MSRA: variants seen among roughly 807,000 people sequenced by gnomAD.
MSRA encodes the protein methionine sulfoxide reductase A.
In MSRA, 54 loss-of-function variants were observed where a neutral mutation model predicts 31.3. The ratio of observed to expected loss-of-function variants is 1.73; its 90% CI spans 1.39 to 2.17. MSRA has a LOEUF of 2.17. MSRA is among the 30% of genes most tolerant of loss of function. The probability of loss-of-function intolerance (pLI) is 0.00; values close to 1 mark genes in which losing one functional copy is unlikely to be tolerated. For synonymous variants in MSRA, 169 were observed against 116.5 expected (o/e 1.45, Z -2.90); for missense variants, 507 against 300.9 (o/e 1.69, Z -5.07).
At chr8:10,252,947 G>A (rs2975701) in intron 3 of MSRA, among the ~76,000 whole-genome samples, 13,585 of 152,200 alleles carry the variant, frequency 0.089, 719 homozygotes, top group East Asian at 0.2. Context: ...TCATACTCAC[G>A]TAGGTATGAA....
intron 2 of MSRA, among the ~76,000 whole-genome samples, chr8:10,231,000 G>C (rs985829758): frequency 1.3e-5 from 2 of 152,206 alleles, no homozygotes; most frequent in African/African-American, 4.8e-5. Context: ...GGCCAGGCGA[G>C]TCTCGAACTC....
intron 1 of MSRA, among the ~76,000 whole-genome samples, chr8:10,175,351 G>C (rs556407455): frequency 3.9e-5 from 6 of 152,092 alleles, no homozygotes; most frequent in Non-Finnish European, 7.4e-5. Flanking sequence ...TCTTATCTCC[G>C]CAATTGGAAC....
At chr8:10,244,686 A>G (rs1275206217) in intron 2 of MSRA, among the ~76,000 whole-genome samples, 8 of 152,218 alleles carry the variant, frequency 5.3e-5, no homozygotes, top group Admixed American at 5.2e-4. Context: ...TAAAATGGGT[A>G]ACTTAGTGCT....
chr8:10,064,322 C>T (rs1471290279), intron 1 of MSRA, among the ~76,000 whole-genome samples: 1 of 151,996 alleles, frequency 6.6e-6, no homozygotes, highest in Middle Eastern at 3.2e-3. Flanking sequence ...TCTGTAAGCT[C>T]GGGCTCTTAT....
intron 1 of MSRA, among the ~76,000 whole-genome samples, chr8:10,175,040 C>G (rs1805924911): frequency 6.6e-6 from 1 of 152,162 alleles, no homozygotes; most frequent in Non-Finnish European, 1.5e-5. Flanking sequence ...CCCTTGTGAT[C>G]TACCCGAACA....
intron 5 of MSRA, among the ~76,000 whole-genome samples, chr8:10,362,695 G>T (rs1033070615): frequency 1.3e-5 from 2 of 152,036 alleles, no homozygotes; most frequent in African/African-American, 4.8e-5. Flanking sequence ...CTCAGATGAG[G>T]ACCCTTTTGC....
At chr8:10,299,852 G>C (rs1431334526) in intron 3 of MSRA, among the ~76,000 whole-genome samples, 1 of 152,164 alleles carries the variant, frequency 6.6e-6, no homozygotes, top group African/African-American at 2.4e-5. Flanking sequence ...AAAATGTTTA[G>C]AAACATTGAT....
intron 3 of MSRA, among the ~76,000 whole-genome samples, chr8:10,297,695 A>G (rs1391952999): frequency 6.6e-6 from 1 of 152,232 alleles, no homozygotes; most frequent in Admixed American, 6.5e-5. Context: ...CAAGGGCATC[A>G]CTGTGCTGTT....
intron 1 of MSRA, among the ~76,000 whole-genome samples, chr8:10,137,823 C>G (rs1481099919): frequency 6.6e-6 from 1 of 152,072 alleles, no homozygotes; most frequent in Admixed American, 6.6e-5. Flanking sequence ...AATTATATAG[C>G]TATAGGGATC....
intron 1 of MSRA, among the ~76,000 whole-genome samples, chr8:10,130,461 G>C (rs867197267): frequency 1.3e-5 from 2 of 152,168 alleles, no homozygotes; most frequent in Non-Finnish European, 2.9e-5. Context: ...TGTGATCATT[G>C]TTCTCTTTCT....
At chr8:10,401,973 G>A (rs1019452926) in intron 5 of MSRA, among the ~76,000 whole-genome samples, 2 of 152,152 alleles carry the variant, frequency 1.3e-5, no homozygotes, top group African/African-American at 2.4e-5. Context: ...AATGGATAGT[G>A]GTGATGGTTG....
intron 2 of MSRA, among the ~76,000 whole-genome samples, chr8:10,217,947 T>G (rs1810144587): frequency 6.6e-6 from 1 of 152,050 alleles, no homozygotes; most frequent in Admixed American, 6.5e-5. Context: ...TGCTATTTAT[T>G]TAAGAAATTA....
intron 1 of MSRA, among the ~76,000 whole-genome samples, chr8:10,105,973 T>C (rs1799853412): frequency 6.6e-6 from 1 of 152,260 alleles, no homozygotes. Context: ...TAACCATGTA[T>C]ATGAAATTGC....
chr8:10,421,503 G>C (rs1029347626), intron 5 of MSRA, among the ~76,000 whole-genome samples: 1 of 151,986 alleles, frequency 6.6e-6, no homozygotes, highest in Middle Eastern at 3.4e-3. Flanking sequence ...GGTGGTATGA[G>C]AGCGTGTCAC....
chr8:10,355,989 A>T (rs1730060016), intron 5 of MSRA, among the ~76,000 whole-genome samples: 1 of 152,194 alleles, frequency 6.6e-6, no homozygotes, highest in South Asian at 2.1e-4. Flanking sequence ...GTAGCAGCCC[A>T]GGTCCTACGT....
At chr8:10,080,403 C>T (rs1401372728) in intron 1 of MSRA, among the ~76,000 whole-genome samples, 1 of 151,552 alleles carries the variant, frequency 6.6e-6, no homozygotes, top group Non-Finnish European at 1.5e-5. Context: ...GAAACTCAGG[C>T]AGTTTGGAAG....
chr8:10,225,497 C>T (rs755318859), intron 2 of MSRA, among the ~76,000 whole-genome samples: 2 of 152,054 alleles, frequency 1.3e-5, no homozygotes, highest in African/African-American at 4.8e-5. Flanking sequence ...TTTACATTGT[C>T]GATAGAAGTG....
intron 1 of MSRA, among the ~76,000 whole-genome samples, chr8:10,167,724 C>G (rs1475948263): frequency 6.6e-6 from 1 of 152,144 alleles, no homozygotes; most frequent in African/African-American, 2.4e-5. Context: ...GAACGTGAAA[C>G]CTCCATGATG....
intron 1 of MSRA, among the ~76,000 whole-genome samples, chr8:10,159,974 A>C (rs917480617): frequency 2.0e-5 from 3 of 152,244 alleles, no homozygotes; most frequent in Admixed American, 6.5e-5. Flanking sequence ...CCAGGAAGAT[A>C]CTTTTATAAC....
Sources: gnomAD v4.1 joint callset for allele counts (sites outside exome capture counted in the v4.1 genomes callset) on GRCh38, gnomAD v4.1.1 for gene constraint, MANE v1.5 for transcripts, NCBI Gene and HGNC (gene_info 2026-07-23, HGNC 2026-07-21) for gene names.